The following SEH1L variants were observed in gnomAD, a reference collection of about 807,000 sequenced individuals.
SEH1L encodes the protein SEH1 like nucleoporin, also known as nucleoporin SEH1.
SEH1L carries 18 observed loss-of-function variants against 49.5 expected under a neutral mutation model. That is an observed-to-expected ratio of 0.36 (90% CI 0.25 to 0.54). The LOEUF (loss-of-function observed/expected upper bound fraction) is 0.54, where lower values mean the gene tolerates loss of function less well. Ranked by LOEUF, SEH1L falls within the 20% of genes least tolerant of loss-of-function variation. SEH1L has a pLI of 0.87. For synonymous variants in SEH1L, 169 were observed against 178.1 expected (o/e 0.95, Z 0.41); for missense variants, 404 against 528.8 (o/e 0.76, Z 2.31).
intron 2 of SEH1L, among the ~76,000 whole-genome samples, chr18:12,954,903 G>A (rs2030760800): frequency 1.3e-5 from 2 of 152,296 alleles, no homozygotes; most frequent in Admixed American, 6.5e-5. Flanking sequence ...TCTAATTTCA[G>A]AACATTGTTT....
At chr18:12,952,075 A>G (rs1360587648) in intron 2 of SEH1L, among the ~76,000 whole-genome samples, 170 bp downstream of exon 2, 2 of 152,074 alleles carry the variant, frequency 1.3e-5, no homozygotes, top group Non-Finnish European at 2.9e-5. Context: ...TCAGAATTTG[A>G]GAGTAAGAAA....
intron 5 of SEH1L, chr18:12,974,034 C>T (rs1300317087): frequency 6.6e-6 from 1 of 152,200 alleles, no homozygotes; most frequent in Non-Finnish European, 1.5e-5. Context: ...GAGAGTGAGA[C>T]AGCAAGTGTC....
intron 6 of SEH1L, among the ~76,000 whole-genome samples, chr18:12,979,693 G>T (rs1488536236): frequency 6.8e-6 from 1 of 147,628 alleles, no homozygotes; most frequent in Admixed American, 6.7e-5. Context: ...TGGCTGGGCG[G>T]GGGGCTGACC....
At chr18:12,979,642 CG>C (rs1568228175) in intron 6 of SEH1L, among the ~76,000 whole-genome samples, 1 of 151,422 alleles carries the variant, frequency 6.6e-6, no homozygotes, top group East Asian at 2.0e-4. Flanking sequence ...CCAGTAGGGG[CG>C]GCCGGGCAGA....
At chr18:12,985,982 G>T in intron 8 of SEH1L, 1 of 901,496 alleles carries the variant, frequency 1.1e-6, no homozygotes, top group African/African-American at 1.8e-5. Flanking sequence ...AGAGATAAAT[G>T]TTTCTTATAT....
chr18:12,962,455 C>CTTTTTTTT (rs1257873600), intron 3 of SEH1L, among the ~76,000 whole-genome samples: 1 of 90,046 alleles, frequency 1.1e-5, no homozygotes, highest in African/African-American at 5.5e-5. Flanking sequence ...AATTGCATGC[C>CTTTTTTTT]TTTCTTTTTT....
intron 1 of SEH1L, among the ~76,000 whole-genome samples, chr18:12,949,450 T>TG (rs1444688397): frequency 4.4e-5 from 5 of 114,708 alleles, no homozygotes; most frequent in Admixed American, 3.4e-4. Flanking sequence ...CCGTTTTTTT[T>TG]TTTTTTTTTT....
At chr18:12,971,431 T>C (rs978019539) in intron 5 of SEH1L, 180 bp downstream of exon 5, 2 of 444,828 alleles carry the variant, frequency 4.5e-6, no homozygotes, top group Admixed American at 7.2e-5. Context: ...GAGGAGAAAG[T>C]AGACCAGCCT....
intron 1 of SEH1L, among the ~76,000 whole-genome samples, chr18:12,949,451 T>TTTTTG (rs1184657840): frequency 8.6e-6 from 1 of 116,524 alleles, no homozygotes; most frequent in Non-Finnish European, 1.8e-5. Flanking sequence ...CGTTTTTTTT[T>TTTTTG]TTTTTTTTTT....
intron 3 of SEH1L, among the ~76,000 whole-genome samples, chr18:12,961,850 A>G (rs1451948934): frequency 6.6e-6 from 1 of 152,060 alleles, no homozygotes; most frequent in Non-Finnish European, 1.5e-5. Flanking sequence ...TATTTTTAGT[A>G]GAGATGGGGT....
At chr18:12,974,531 GCCTTC>G (rs1180171175) in intron 5 of SEH1L, 3 of 152,146 alleles carry the variant, frequency 2.0e-5, no homozygotes, top group Admixed American at 6.5e-5. Context: ...GCCCACCTCA[GCCTTC>G]CAAAGTGCTG....
rs570794325 is a variant in SEH1L, at chr18:12,950,042, CT to C, written c.112-1804del. On this transcript the variant is annotated intron_variant, in intron 1 of 8. Transcript: ENST00000399892. The stretch of plus-strand genomic sequence containing the variant: ...ATTTTTTTTTTCTTTTTTCTTTTTC[CT>C]TTTTTTTTGAGGCAGAGTCTGGCTC... 3.0e-3 allele frequency among the ~76,000 whole-genome samples: 437 copies of C among 147,872 alleles called. 1 individual carries two copies. Among genetic ancestry groups the C allele is most frequent in the Non-Finnish European group, 5.1e-3 (343 of 66,610 alleles).
chr18:12,955,146 T>C (rs2030774573), intron 2 of SEH1L, among the ~76,000 whole-genome samples: 1 of 151,464 alleles, frequency 6.6e-6, no homozygotes, highest in African/African-American at 2.4e-5. Flanking sequence ...CTGAAGCAAC[T>C]CTCCAACTAT....
chr18:12,984,220 C>T, intron 8 of SEH1L, 30 bp downstream of exon 8: 1 of 1,605,630 alleles, frequency 6.2e-7, no homozygotes, highest in Non-Finnish European at 8.5e-7. Flanking sequence ...AACTGGAAAT[C>T]ATCTTTGTTT....
At chr18:12,970,671 C>T (rs2031661232) in intron 4 of SEH1L, among the ~76,000 whole-genome samples, 1 of 152,162 alleles carries the variant, frequency 6.6e-6, no homozygotes, top group African/African-American at 2.4e-5. Flanking sequence ...ATGATCCTCT[C>T]TCCTGAGTCT....
In SEH1L at chr18:12,950,754, G is replaced by A. The variant is rs551468046; in HGVS notation, c.112-1101G>A. 5.9e-5 allele frequency among the ~76,000 whole-genome samples: 9 copies of A among 152,226 alleles called. No homozygotes were observed. In the East Asian group the frequency reaches 9.6e-4, roughly 16 times the overall value. On this transcript the variant is annotated intron_variant, in intron 1 of 8. Transcript: ENST00000399892. ...TTGATTTGATAGTGTTATTGCCCTC[G>A]TTACATTTTTAACAGGTGAAATTGG... is the stretch of plus-strand genomic sequence containing the variant.
chr18:12,962,462 T>TC (rs1471342103), intron 3 of SEH1L, among the ~76,000 whole-genome samples: 9 of 113,372 alleles, frequency 7.9e-5, no homozygotes, highest in Admixed American at 6.4e-4. Context: ...TGCCTTTCTT[T>TC]TTTTTTTTTT....
At chr18:12,979,096 T>C (rs1490147912) in intron 6 of SEH1L, among the ~76,000 whole-genome samples, 1 of 150,934 alleles carries the variant, frequency 6.6e-6, no homozygotes, top group Admixed American at 6.6e-5. Flanking sequence ...TTATTGATCA[T>C]TCTTGGGTGT....
Position 12,981,397 on chromosome 18 carries a change from A to G in SEH1L, c.762-1121A>G, listed in dbSNP as rs551611569. ...TAGCGAGCCGAGATCACGCCACTGCACTCCAGCCTGGGCACCATTGAGCAC... is the reference window on the plus strand; with the variant it reads ...TAGCGAGCCGAGATCACGCCACTGCGCTCCAGCCTGGGCACCATTGAGCAC... On this transcript the variant is annotated intron_variant, in intron 6 of 8. Coordinates refer to ENST00000399892, the MANE Select transcript of SEH1L (RefSeq NM_001013437.2). Among the ~76,000 whole-genome samples, 80 of 152,236 alleles carry G rather than the reference A, an allele frequency of 5.3e-4. No homozygotes were observed. The South Asian group carries it at 9.5e-3, about 18-fold the overall frequency.
Sources: allele counts gnomAD v4.1 joint callset (sites outside exome capture counted in the v4.1 genomes callset), GRCh38; gene constraint gnomAD v4.1.1; transcripts MANE v1.5; gene names NCBI Gene and HGNC (gene_info 2026-07-23, HGNC 2026-07-21).